The following CTNNA3 variants were observed in gnomAD, a reference collection of about 807,000 sequenced individuals.
CTNNA3 encodes the protein catenin alpha-3.
CTNNA3 carries 76 observed loss-of-function variants against 95.7 expected under a neutral mutation model. That is an observed-to-expected ratio of 0.79 (90% CI 0.66 to 0.96). The LOEUF (loss-of-function observed/expected upper bound fraction) is 0.96. Among genes scored for constraint, CTNNA3 ranks in the 40% least tolerant of loss-of-function variants. The pLI is 0.00. For synonymous variants in CTNNA3, 431 were observed against 374.4 expected (o/e 1.15, Z -1.74); for missense variants, 1,191 against 1,089.8 (o/e 1.09, Z -1.31).
intron 1 of CTNNA3, among the ~76,000 whole-genome samples, chr10:67,759,807 G>GC (rs918142802): frequency 1.3e-5 from 2 of 152,034 alleles, no homozygotes; most frequent in Non-Finnish European, 2.9e-5. Context: ...AACTGAAAAC[G>GC]CCCCCCTACT....
At chr10:66,292,076 T>TACACAC (rs112723652) in intron 12 of CTNNA3, among the ~76,000 whole-genome samples, 33 of 149,484 alleles carry the variant, frequency 2.2e-4, no homozygotes, top group South Asian at 4.2e-4. Context: ...CATATACAGA[T>TACACAC]ACACACACAC....
At chr10:66,897,404 A>G (rs1845542850) in intron 7 of CTNNA3, among the ~76,000 whole-genome samples, 1 of 152,146 alleles carries the variant, frequency 6.6e-6, no homozygotes, top group Non-Finnish European at 1.5e-5. Context: ...TGACTTTGGA[A>G]ACATGAAAAT....
chr10:66,281,139 TA>T lies in CTNNA3; in HGVS notation c.1733-519del, dbSNP rs200087897. On this transcript the variant is annotated intron_variant, in intron 12 of 17. Coordinates refer to ENST00000433211, the MANE Select transcript of CTNNA3 (RefSeq NM_013266.4). Reference sequence around the variant, plus strand: ...AAAAATATTGTAAACTTCCTTTTAGTAAGATGTTTTCTCTATAATAAAAAAA... The same window carrying T: ...AAAAATATTGTAAACTTCCTTTTAGTAGATGTTTTCTCTATAATAAAAAAA... Among the ~76,000 whole-genome samples the T allele has an allele frequency of 9.4e-3, 1,431 of 151,970 alleles. 17 individuals are homozygous for T. Among genetic ancestry groups the T allele is most frequent in the African/African-American group, 0.032 (1,323 of 41,524 alleles).
chr10:66,351,921 A>G (rs2092569809), intron 12 of CTNNA3, among the ~76,000 whole-genome samples: 1 of 152,038 alleles, frequency 6.6e-6, no homozygotes, highest in South Asian at 2.1e-4. Context: ...GCCATTAAGT[A>G]TATCAATTTC....
At chr10:67,266,162 T>C (rs1866817944) in intron 5 of CTNNA3, among the ~76,000 whole-genome samples, 1 of 152,024 alleles carries the variant, frequency 6.6e-6, no homozygotes, top group Non-Finnish European at 1.5e-5. Flanking sequence ...GAAAGGTAAA[T>C]GATTAAGATT....
At chr10:66,133,373 G>A (rs971433448) in intron 13 of CTNNA3, among the ~76,000 whole-genome samples, 12 of 152,012 alleles carry the variant, frequency 7.9e-5, no homozygotes, top group African/African-American at 2.9e-4. Context: ...AAATTAGCCA[G>A]GCGTGGTGGC....
intron 17 of CTNNA3, among the ~76,000 whole-genome samples, chr10:65,943,907 T>C (rs1261694715): frequency 6.6e-6 from 1 of 152,216 alleles, no homozygotes; most frequent in African/African-American, 2.4e-5. Flanking sequence ...ACCTTACAGA[T>C]ATTGATTTAG....
chr10:67,388,611 G>C (rs1844303704), intron 5 of CTNNA3, among the ~76,000 whole-genome samples: 1 of 148,374 alleles, frequency 6.7e-6, no homozygotes, highest in Admixed American at 6.7e-5. Flanking sequence ...ATAATTGTCA[G>C]ATTCACCAAA....
At chr10:67,362,118 T>A (rs1187883386) in intron 5 of CTNNA3, among the ~76,000 whole-genome samples, 1 of 151,902 alleles carries the variant, frequency 6.6e-6, no homozygotes, top group Non-Finnish European at 1.5e-5. Flanking sequence ...CAAAGTTGAA[T>A]CAATAATAAA....
At chr10:67,094,588 G>A (rs1430828289) in intron 7 of CTNNA3, among the ~76,000 whole-genome samples, 1 of 151,568 alleles carries the variant, frequency 6.6e-6, no homozygotes, top group Non-Finnish European at 1.5e-5. Context: ...ATATCACACA[G>A]TTTCAATAAT....
intron 5 of CTNNA3, among the ~76,000 whole-genome samples, chr10:67,236,462 G>A (rs1460361999): frequency 1.4e-5 from 2 of 140,188 alleles, no homozygotes; most frequent in Non-Finnish European, 3.0e-5. Context: ...ATTGAACAAT[G>A]AGAACACATG....
intron 1 of CTNNA3, chr10:67,750,220 C>G (rs139976182): frequency 1.4e-6 from 2 of 1,448,900 alleles, no homozygotes; most frequent in Admixed American, 1.7e-5. Flanking sequence ...TGGAAGGAAC[C>G]AACTCTGGAC....
intron 15 of CTNNA3, among the ~76,000 whole-genome samples, chr10:66,065,236 T>C (rs1276611895): frequency 7.2e-6 from 1 of 139,510 alleles, no homozygotes; most frequent in Non-Finnish European, 1.6e-5. Context: ...AATGGTTTTT[T>C]TTTGTTTTGT....
chr10:67,234,340 G>A (rs1865357265), intron 5 of CTNNA3, among the ~76,000 whole-genome samples: 2 of 152,176 alleles, frequency 1.3e-5, no homozygotes, highest in African/African-American at 4.8e-5. Context: ...TCATCCCTGG[G>A]ATGCAAAGCT....
intron 5 of CTNNA3, among the ~76,000 whole-genome samples, chr10:67,446,429 T>C (rs1846750558): frequency 2.0e-5 from 3 of 152,146 alleles, no homozygotes; most frequent in African/African-American, 4.8e-5. Flanking sequence ...AGGACCCTCA[T>C]CTTACTCAGA....
At position 66,512,934 on chromosome 10, in the gene CTNNA3, T is replaced by C. The variant is rs181888725; in HGVS notation, c.1531+7683A>G. ...ATGCTTTCTTTTGGTGTTTTTAGAA[T>C]TCCCTTTTTGTCTTTACTTTGACAA... On this transcript the variant is annotated intron_variant, in intron 11 of 17. Transcript: ENST00000433211. 1.1e-4 allele frequency among the ~76,000 whole-genome samples: 16 copies of C among 152,290 alleles called. No individual in the cohort carries two copies. The East Asian group carries it at 3.1e-3, about 29-fold the overall frequency.
intron 11 of CTNNA3, among the ~76,000 whole-genome samples, chr10:66,445,639 C>A (rs1320957437): frequency 4.0e-5 from 6 of 151,886 alleles, no homozygotes; most frequent in Non-Finnish European, 5.9e-5. Context: ...AACAAAGACA[C>A]AACATACCAG....
intron 3 of CTNNA3, among the ~76,000 whole-genome samples, chr10:67,582,523 A>T (rs960069468): frequency 1.3e-5 from 2 of 152,128 alleles, no homozygotes; most frequent in African/African-American, 4.8e-5. Context: ...TGCTGAGAAG[A>T]ATGTATATTC....
intron 15 of CTNNA3, among the ~76,000 whole-genome samples, chr10:66,013,786 C>T (rs2079046506): frequency 6.6e-6 from 1 of 152,120 alleles, no homozygotes; most frequent in African/African-American, 2.4e-5. Context: ...ATCTGTTATG[C>T]TATTATGACA....
Sources: allele counts gnomAD v4.1 joint callset (sites outside exome capture counted in the v4.1 genomes callset), GRCh38; gene constraint gnomAD v4.1.1; transcripts MANE v1.5; gene names NCBI Gene and HGNC (gene_info 2026-07-23, HGNC 2026-07-21).